Variants in ELAC2 observed in about 807,000 individuals in gnomAD.
ELAC2 encodes elaC ribonuclease Z 2.
ELAC2 carries 92 observed loss-of-function variants against 105.2 expected under a neutral mutation model. That is an observed-to-expected ratio of 0.87 (90% confidence interval 0.74 to 1.04). The LOEUF (loss-of-function observed/expected upper bound fraction) is 1.04, where lower values mean the gene tolerates loss of function less well. ELAC2 is among the 50% of genes least tolerant of loss of function. The probability of loss-of-function intolerance (pLI) is 0.00; values close to 1 mark genes in which losing one functional copy is unlikely to be tolerated. For synonymous variants in ELAC2, 468 were observed against 409.1 expected (o/e 1.14, Z -1.74); for missense variants, 1,099 against 1,071.7 (o/e 1.03, Z -0.36).
At chr17:13,011,056 T>A (rs1334155956) in intron 7 of ELAC2, among the ~76,000 whole-genome samples, 1 of 152,220 alleles carries the variant, frequency 6.6e-6, no homozygotes, top group Non-Finnish European at 1.5e-5. Flanking sequence ...TGTCAGTCTT[T>A]ACCCGGTGCC....
At position 13,005,958 on chromosome 17, in the gene ELAC2, A is replaced by G; in HGVS notation, c.760T>C (p.Phe254Leu). 1 of 1,614,196 alleles carries G rather than the reference A, an allele frequency of 6.2e-7. No individual in the cohort carries two copies. Among genetic ancestry groups the G allele is most frequent in the Non-Finnish European group, 8.5e-7 (1 of 1,180,046 alleles). Residue 254 changes from phenylalanine to leucine, a missense_variant, in exon 9 of 24, where the codon TTC becomes CTC. Coordinates refer to ENST00000338034, the MANE Select transcript of ELAC2 (RefSeq NM_018127.7). ...ICKLHLKRGN[F>L]LVLKAKEMGL... ...ATCTCCTTTGCTTTGAGCACCAAGA[A>G]GTTTCCTCTCTTTAAGTGAAGCTGC...
At chr17:13,000,942 G>A (rs1008835549) in intron 14 of ELAC2, 1 of 157,556 alleles carries the variant, frequency 6.3e-6, no homozygotes, top group African/African-American at 2.4e-5. Flanking sequence ...ACAAGCACAA[G>A]GTAAATCTGA....
chr17:13,000,265 A>T lies in ELAC2; in HGVS notation c.1314T>A (p.Ile438=). The part of the protein sequence containing the change: ...RPRREWQRDA[I]ITCNPEEFIV... ...TGAATTCCTCAGGATTGCAAGTAAT[A>T]ATGGCATCCCTGCAGGAAGAGAGAG... is the stretch of plus-strand genomic sequence containing the variant. The change falls in exon 15 of 24, where the codon ATT becomes ATA. Residue 438 remains isoleucine, a synonymous_variant. Coordinates refer to ENST00000338034, the MANE Select transcript of ELAC2 (RefSeq NM_018127.7). The T allele has an allele frequency of 6.2e-7, 1 of 1,613,986 alleles. No individual in the cohort carries two copies. Among genetic ancestry groups the T allele is most frequent in the Non-Finnish European group, 8.5e-7 (1 of 1,179,980 alleles).
intron 8 of ELAC2, among the ~76,000 whole-genome samples, chr17:13,009,655 C>T (rs1015886469): frequency 6.6e-6 from 1 of 152,122 alleles, no homozygotes; most frequent in Non-Finnish European, 1.5e-5. Context: ...CAGCTGCCTT[C>T]AATAATTTCT....
rs751672720 is a variant in ELAC2, at chr17:13,003,192, T to C, written c.1079+287A>G. Among the ~76,000 whole-genome samples the C allele has an allele frequency of 3.3e-4, 50 of 152,312 alleles. 3 individuals carry two copies. The highest frequency in any genetic ancestry group is 3.3e-4 in the Admixed American group (5 of 15,302). On this transcript the variant is annotated intron_variant, in intron 12 of 23. Coordinates refer to ENST00000338034, the MANE Select transcript of ELAC2 (RefSeq NM_018127.7). ...TGCAATCTCTTCTTTGGAATTCACT[T>C]ATGGAATCCTCAACCAAACGGCAGT...
intron 13 of ELAC2, 24 bp from the exon 14 acceptor site, chr17:13,002,383 T>G: frequency 6.2e-7 from 1 of 1,613,956 alleles, no homozygotes; most frequent in East Asian, 2.2e-5. Context: ...AACACATTCA[T>G]GGAGAGAAAG....
At chr17:12,998,547 G>A in intron 15 of ELAC2, 39 bp from the exon 16 acceptor site, 1 of 1,568,048 alleles carries the variant, frequency 6.4e-7, no homozygotes, top group Non-Finnish European at 8.8e-7. Context: ...ATTCCTTTGG[G>A]TCAAAAGTGA....
rs1227717983 is a variant in ELAC2 at position 12,992,407 on chromosome 17, T to C, written c.*411A>G. 4 of 364,534 alleles carry C rather than the reference T, an allele frequency of 1.1e-5. No homozygotes were observed. In the Admixed American group the frequency reaches 1.7e-4, roughly 16 times the overall value. 22.6% of individuals were successfully genotyped at this position (364,534 alleles called of 1,614,324 possible). ...AACTCACAATTGCAAACTCAATCTT[T>C]ATTGCAGCTGAAATACTATTTTCGT... On this transcript the variant is annotated 3_prime_UTR_variant, in exon 24 of 24. Transcript: ENST00000338034.
Position 13,000,196 on chromosome 17 carries a change from CT to C in ELAC2, c.1382del (p.Gln461ArgfsTer34), listed in dbSNP as rs1353855643. 6.2e-7 allele frequency: 1 copy of C among 1,614,078 alleles called. No homozygotes were observed. The highest frequency in any genetic ancestry group is 2.2e-5 in the East Asian group (1 of 44,876). ...LQLPNFQQSVQEYRRSAQDGP... is the reference protein window; with the variant it reads ...LQLPNFQQSVXEYRRSAQDGP... The stretch of plus-strand genomic sequence containing the variant: ...CGTCCTGCGCACTCCTCCTGTACTC[CT>C]GCACGCTCTGCTGGAAGTTGGGAAG... On this transcript the variant is annotated frameshift_variant, in exon 15 of 24. Coordinates refer to ENST00000338034, the MANE Select transcript of ELAC2 (RefSeq NM_018127.7). LOFTEE classifies it high-confidence loss of function.
intron 3 of ELAC2, 132 bp from the exon 4 acceptor site, chr17:13,015,964 A>T (rs1234558498): frequency 2.6e-6 from 2 of 756,456 alleles, no homozygotes; most frequent in African/African-American, 3.4e-5. Context: ...ACCAGGGAAG[A>T]TGTACAGAGC....
intron 23 of ELAC2, 53 bp downstream of exon 23, chr17:12,993,634 G>C: frequency 1.2e-6 from 2 of 1,612,634 alleles, no homozygotes; most frequent in Non-Finnish European, 1.7e-6. Flanking sequence ...AGTGTGTAGA[G>C]TCCTGTCTCC....
In ELAC2 at chr17:13,002,440, C is replaced by A; in HGVS notation, c.1218+1G>T. The A allele has an allele frequency of 6.2e-7, 1 of 1,613,220 alleles. No homozygotes were observed. The highest frequency in any genetic ancestry group is 8.5e-7 in the Non-Finnish European group (1 of 1,179,630). ...GACAAGGGGCCGGTCTGAGACACTA[C>A]CTTACAGCGGAAACTGGTGAGCAGG... On this transcript the variant is annotated splice_donor_variant, in intron 13 of 23. Coordinates refer to ENST00000338034, the MANE Select transcript of ELAC2 (RefSeq NM_018127.7). LOFTEE classifies it high-confidence loss of function.
intron 15 of ELAC2, among the ~76,000 whole-genome samples, chr17:12,998,785 G>A (rs144841213): frequency 1.3e-5 from 2 of 152,272 alleles, no homozygotes; most frequent in Non-Finnish European, 2.9e-5. Flanking sequence ...GTTCCCAGGA[G>A]AGGGGGGTTG....
rs150031509 is a variant in ELAC2 at position 12,996,462 on chromosome 17, G to A, written c.1659+85C>T. On this transcript the variant is annotated intron_variant, in intron 17 of 23. Transcript: ENST00000338034. ...AAAAGCTCTGGGCAAGTTTGGAAGC[G>A]GAGGAAAAGACGCAGCCAAAGGGCC... 1,765 of 1,600,136 alleles carry A rather than the reference G, an allele frequency of 1.1e-3. 44 individuals carry two copies. The East Asian group carries it at 0.033, about 30-fold the overall frequency.
chr17:12,994,721 C>T (rs538916762), intron 21 of ELAC2, 43 bp downstream of exon 21: 16 of 1,613,254 alleles, frequency 9.9e-6, no homozygotes, highest in Admixed American at 3.3e-5. Context: ...GCTACACAAA[C>T]CCCAGAGCAA....
chr17:13,002,030 CA>C (rs1168090617), intron 14 of ELAC2, among the ~76,000 whole-genome samples: 2 of 152,182 alleles, frequency 1.3e-5, no homozygotes, highest in Non-Finnish European at 2.9e-5. Context: ...CTACTGGCCC[CA>C]ATCCGCCCAC....
rs2041515253 is a variant in ELAC2, at chr17:13,013,131, A to G, written c.559+76T>C. 3.9e-6 allele frequency: 6 copies of G among 1,531,066 alleles called. No homozygotes were observed. The South Asian group carries it at 6.8e-5, about 17-fold the overall frequency. The allele number at this position is 1,531,066 out of a possible 1,614,324, so 94.8% of individuals were successfully genotyped here. A position where few individuals can be genotyped will look rare whatever the true frequency, so the allele number is the denominator to read the frequency against. On this transcript the variant is annotated intron_variant, in intron 6 of 23. Coordinates refer to ENST00000338034, the MANE Select transcript of ELAC2 (RefSeq NM_018127.7). ...AACAGGGTGCCCACAGCAAGTGTTC[A>G]GTTTCTATTTTCATCCATGTTTTCT...
chr17:13,000,558 C>T (rs2143593384), intron 14 of ELAC2: 1 of 445,960 alleles, frequency 2.2e-6, no homozygotes. Flanking sequence ...TACCCCTGAC[C>T]TCTACCCACT....
chr17:12,992,725 G>A lies in ELAC2; in HGVS notation c.*93C>T, dbSNP rs553830170. On this transcript the variant is annotated 3_prime_UTR_variant, in exon 24 of 24. Coordinates refer to ENST00000338034, the MANE Select transcript of ELAC2 (RefSeq NM_018127.7). ...CCTGAGCTGCCTCCTGGGGGACCGTGCTCTTCAGCTTCTACCAGCAAGGAG... is the reference window on the plus strand; with the variant it reads ...CCTGAGCTGCCTCCTGGGGGACCGTACTCTTCAGCTTCTACCAGCAAGGAG... The A allele has an allele frequency of 5.4e-6, 8 of 1,480,602 alleles. No individual in the cohort carries two copies. The African/African-American group carries it at 9.7e-5, about 18-fold the overall frequency. 91.7% of individuals were successfully genotyped at this position (1,480,602 alleles called of 1,614,324 possible).
Sources: gnomAD v4.1 joint callset for allele counts (sites outside exome capture counted in the v4.1 genomes callset) on GRCh38, gnomAD v4.1.1 for gene constraint, MANE v1.5 for transcripts, NCBI Gene and HGNC (gene_info 2026-07-23, HGNC 2026-07-21) for gene names.